The following SDK2 variants were observed in gnomAD, a reference collection of about 807,000 sequenced individuals.
SDK2 encodes the protein sidekick cell adhesion molecule 2.
SDK2 carries 105 observed loss-of-function variants against 253.9 expected under a neutral mutation model. That is an observed-to-expected ratio of 0.41 (90% CI 0.35 to 0.49). SDK2 has a LOEUF of 0.49. SDK2 is among the 20% of genes least tolerant of loss of function. The probability of loss-of-function intolerance (pLI) is 0.06; values close to 1 mark genes in which losing one functional copy is unlikely to be tolerated. For missense variants in SDK2, 2,608 were observed against 3,003.0 expected (o/e 0.87, Z 3.07); for synonymous variants, 1,249 against 1,234.9 (o/e 1.01, Z -0.24).
At chr17:73,581,997 A>G (rs773152671) in intron 1 of SDK2, among the ~76,000 whole-genome samples, 1 of 152,170 alleles carries the variant, frequency 6.6e-6, no homozygotes, top group Non-Finnish European at 1.5e-5. Flanking sequence ...ACCCAGGGTG[A>G]GACTTGGGAC....
At chr17:73,535,248 G>A (rs996077889) in intron 1 of SDK2, among the ~76,000 whole-genome samples, 1 of 152,224 alleles carries the variant, frequency 6.6e-6, no homozygotes, top group African/African-American at 2.4e-5. Context: ...GGGAGTCACA[G>A]CCACTCAGGT....
At chr17:73,551,466 G>A (rs2045057938) in intron 1 of SDK2, among the ~76,000 whole-genome samples, 1 of 152,194 alleles carries the variant, frequency 6.6e-6, no homozygotes, top group African/African-American at 2.4e-5. Flanking sequence ...GGGAGGGGGC[G>A]GAGCGGCCGA....
At chr17:73,420,003 T>G (rs1201833828) in intron 15 of SDK2, among the ~76,000 whole-genome samples, 1 of 152,240 alleles carries the variant, frequency 6.6e-6, no homozygotes, top group Non-Finnish European at 1.5e-5. Flanking sequence ...AAGTGTTCTA[T>G]AAGCAGAAAT....
In SDK2 at chr17:73,447,799, C is replaced by T. The variant is rs566294514; in HGVS notation, c.480-51G>A. Reference sequence around the variant, plus strand: ...GACAGGGGCCTAAGGGGCTCTGAACCTCCAGGGAGTGGGAGTGGAAACCCT... The same window carrying T: ...GACAGGGGCCTAAGGGGCTCTGAACTTCCAGGGAGTGGGAGTGGAAACCCT... On this transcript the variant is annotated intron_variant, in intron 4 of 44. Transcript: ENST00000392650. The surrounding 1 kb of genome is among the most constrained non-coding windows in gnomAD (Gnocchi z 4.0). The T allele has an allele frequency of 4.5e-4, 691 of 1,549,346 alleles. 9 individuals carry two copies. The South Asian group carries it at 5.2e-3, about 12-fold the overall frequency.
intron 1 of SDK2, among the ~76,000 whole-genome samples, chr17:73,546,046 T>G (rs1342689773): frequency 1.5e-5 from 2 of 134,412 alleles, no homozygotes; most frequent in Non-Finnish European, 3.2e-5. Flanking sequence ...GGGGAGGGGC[T>G]GGGGAAAAGA....
chr17:73,385,797 G>A (rs375092508), intron 32 of SDK2, 50 bp downstream of exon 32: 9 of 1,512,798 alleles, frequency 5.9e-6, no homozygotes, highest in Non-Finnish European at 8.1e-6. Flanking sequence ...CAGTCCCAGA[G>A]CAGAGCTCGT....
chr17:73,359,770 T>A (rs1181840248), intron 39 of SDK2, among the ~76,000 whole-genome samples: 1 of 152,184 alleles, frequency 6.6e-6, no homozygotes, highest in Non-Finnish European at 1.5e-5. Flanking sequence ...GACAGCCTCC[T>A]GAGTAGCTGG....
At chr17:73,351,592 G>A (rs1478521829) in intron 41 of SDK2, among the ~76,000 whole-genome samples, 3 of 152,086 alleles carry the variant, frequency 2.0e-5, no homozygotes, top group African/African-American at 4.8e-5. Context: ...GGACACAGGG[G>A]TTCTTTAGTA....
chr17:73,357,553 A>G, intron 40 of SDK2: 1 of 238,384 alleles, frequency 4.2e-6, no homozygotes, highest in South Asian at 4.6e-5. Flanking sequence ...GATGGGTGAA[A>G]CCGGAGCAGT....
intron 5 of SDK2, among the ~76,000 whole-genome samples, chr17:73,442,171 C>T (rs4789614): frequency 0.25 from 37,602 of 152,164 alleles, 4,897 homozygotes; most frequent in South Asian, 0.39. Flanking sequence ...GGCTCTCTCT[C>T]CGCCATGTGA....
At chr17:73,471,202 G>A (rs2063648086) in intron 3 of SDK2, among the ~76,000 whole-genome samples, 1 of 152,128 alleles carries the variant, frequency 6.6e-6, no homozygotes, top group Non-Finnish European at 1.5e-5. Flanking sequence ...CCTTCCCCTT[G>A]GAGTTTCAGC....
intron 36 of SDK2, among the ~76,000 whole-genome samples, chr17:73,378,566 C>A (rs957684583): frequency 6.6e-6 from 1 of 151,960 alleles, no homozygotes; most frequent in Admixed American, 6.6e-5. Context: ...ATTACCGGTG[C>A]CTGCCACCAT....
intron 18 of SDK2, among the ~76,000 whole-genome samples, chr17:73,407,258 T>A (rs1356082655): frequency 1.3e-5 from 2 of 152,100 alleles, no homozygotes; most frequent in African/African-American, 4.8e-5. Flanking sequence ...GGAATGTATA[T>A]ATAATAGTCT....
intron 1 of SDK2, among the ~76,000 whole-genome samples, chr17:73,524,327 C>T (rs1384703141): frequency 1.3e-5 from 2 of 152,208 alleles, no homozygotes; most frequent in Non-Finnish European, 2.9e-5. Context: ...AGCTTTCTGG[C>T]AAGGAGACCA....
In SDK2 at chr17:73,395,446, AG is replaced by A; in HGVS notation, c.3355-55del. 1 of 1,463,202 alleles carries A rather than the reference AG, an allele frequency of 6.8e-7. No individual in the cohort carries two copies. The highest frequency in any genetic ancestry group is 9.6e-7 in the Non-Finnish European group (1 of 1,047,004). The allele number at this position is 1,463,202 out of a possible 1,614,324, so 90.6% of individuals were successfully genotyped here. A position where few individuals can be genotyped will look rare whatever the true frequency, so the allele number is the denominator to read the frequency against. On this transcript the variant is annotated intron_variant, in intron 24 of 44. Transcript: ENST00000392650. This position sits in a 1 kb window ranked among gnomAD's most constrained non-coding sequence, Gnocchi z 4.3. The stretch of plus-strand genomic sequence containing the variant: ...CTATGAGCCAGGCCCCCCACTGTGC[AG>A]GGAGGAACTGCCCTGCTACCCTCTC...
chr17:73,548,829 A>G (rs551735296), intron 1 of SDK2, among the ~76,000 whole-genome samples: 1 of 152,326 alleles, frequency 6.6e-6, no homozygotes, highest in South Asian at 2.1e-4. Context: ...GCTTGCTGCT[A>G]TCCCACGGAG....
chr17:73,427,834 A>G (rs1203794004), intron 12 of SDK2, among the ~76,000 whole-genome samples: 1 of 152,178 alleles, frequency 6.6e-6, no homozygotes, highest in East Asian at 1.9e-4. Context: ...AATCCATGAA[A>G]GAAAGAACAG....
rs557650310 is a variant in SDK2 at position 73,612,103 on chromosome 17, C to T, written c.64+31922G>A. On this transcript the variant is annotated intron_variant, in intron 1 of 44. Coordinates refer to ENST00000392650, the MANE Select transcript of SDK2 (RefSeq NM_001144952.2). The surrounding 1 kb of genome is among the most constrained non-coding windows in gnomAD (Gnocchi z 4.4). ...CTAATGAGTTGATTTTATTAGTTTG[C>T]AAACGCATTGAGAACTCGTTATGAA... Among the ~76,000 whole-genome samples the T allele has an allele frequency of 1.3e-5, 2 of 152,324 alleles. No individual in the cohort carries two copies. Among genetic ancestry groups the T allele is most frequent in the African/African-American group, 2.4e-5 (1 of 41,568 alleles).
At chr17:73,581,710 G>A (rs1173067365) in intron 1 of SDK2, among the ~76,000 whole-genome samples, 12 of 152,232 alleles carry the variant, frequency 7.9e-5, no homozygotes, top group African/African-American at 2.4e-4. Flanking sequence ...AGGACACCTC[G>A]GGGAGGCAGC....
Sources: allele counts gnomAD v4.1 joint callset (sites outside exome capture counted in the v4.1 genomes callset), GRCh38; gene constraint gnomAD v4.1.1; non-coding constraint Gnocchi (gnomAD v3.1); transcripts MANE v1.5; gene names NCBI Gene and HGNC (gene_info 2026-07-23, HGNC 2026-07-21).